The following KCNAB2 variants were observed in gnomAD, a reference collection of about 807,000 sequenced individuals.
KCNAB2 encodes the protein potassium voltage-gated channel subfamily A regulatory beta subunit 2.
In KCNAB2, 29 loss-of-function variants were observed where a neutral mutation model predicts 63.6. The observed-to-expected ratio is 0.46, with a 90% CI of 0.34 to 0.62. The LOEUF is 0.62. Among genes scored for constraint, KCNAB2 ranks in the 20% least tolerant of loss-of-function variants. The probability of loss-of-function intolerance (pLI) is 0.01; values close to 1 mark genes in which losing one functional copy is unlikely to be tolerated. For missense variants in KCNAB2, 359 were observed against 563.9 expected (o/e 0.64, Z 3.68); for synonymous variants, 222 against 224.2 (o/e 0.99, Z 0.09).
At chr1:5,999,730 A>C (rs191550225) in intron 1 of KCNAB2, among the ~76,000 whole-genome samples, 2 of 152,170 alleles carry the variant, frequency 1.3e-5, no homozygotes. Flanking sequence ...TACAGGAGCC[A>C]GTCCTCGCCA....
intron 1 of KCNAB2, among the ~76,000 whole-genome samples, chr1:6,002,962 C>T (rs1229807739): frequency 1.3e-5 from 2 of 152,164 alleles, no homozygotes; most frequent in East Asian, 1.9e-4. Context: ...TGTTCTTAGT[C>T]CTCAGCTCCT....
intron 1 of KCNAB2, among the ~76,000 whole-genome samples, chr1:6,026,987 C>T (rs953328364): frequency 6.6e-6 from 1 of 152,220 alleles, no homozygotes; most frequent in Non-Finnish European, 1.5e-5. Context: ...CTCCCCTCCC[C>T]CTTGGGGCTG....
At chr1:6,036,506 A>T (rs1363005353) in intron 1 of KCNAB2, among the ~76,000 whole-genome samples, 1 of 152,218 alleles carries the variant, frequency 6.6e-6, no homozygotes. Flanking sequence ...CTGTCTCAAA[A>T]AAAGAAAAAA....
rs1463636487 is a variant in KCNAB2 at position 5,994,566 on chromosome 1, A to G, written c.-53+1778A>G. 6.6e-6 allele frequency among the ~76,000 whole-genome samples: 1 copy of G among 151,960 alleles called. No individual in the cohort carries two copies. Among genetic ancestry groups the G allele is most frequent in the Admixed American group, 6.5e-5 (1 of 15,276 alleles). On this transcript the variant is annotated intron_variant, in intron 1 of 16. Transcript: ENST00000341524. The surrounding 1 kb of genome is among the most constrained non-coding windows in gnomAD (Gnocchi z 5.4). ...CTGCGCCAGTCAGCAAATGCTTTGT[A>G]GGTGCTAGTCAACACCTGGGGGCTG...
intron 2 of KCNAB2, among the ~76,000 whole-genome samples, chr1:6,054,105 G>A (rs1015651325): frequency 6.6e-6 from 1 of 151,874 alleles, no homozygotes; most frequent in African/African-American, 2.4e-5. Flanking sequence ...GGTCATTGCA[G>A]ATATCATTAA....
intron 2 of KCNAB2, among the ~76,000 whole-genome samples, 175 bp from the exon 3 acceptor site, chr1:6,072,580 C>T (rs1262865006): frequency 6.6e-6 from 1 of 152,190 alleles, no homozygotes; most frequent in African/African-American, 2.4e-5. Flanking sequence ...TGGCACTTTA[C>T]CCCCGGGGTG....
Position 6,074,337 on chromosome 1 carries a change from C to T in KCNAB2, c.300+567C>T, listed in dbSNP as rs1267151853. 6.6e-6 allele frequency among the ~76,000 whole-genome samples: 1 copy of T among 152,258 alleles called. No homozygotes were observed. Among genetic ancestry groups the T allele is most frequent in the Non-Finnish European group, 1.5e-5 (1 of 68,044 alleles). On this transcript the variant is annotated intron_variant, in intron 4 of 15. Coordinates refer to ENST00000378083, the MANE Select transcript of KCNAB2 (RefSeq NM_001199862.2). This position sits in a 1 kb window ranked among gnomAD's most constrained non-coding sequence, Gnocchi z 4.9. ...CACAATTGGAACAAGAAAGTGAACACTAACAAAAAGCCAGCTTGTATGCCG... is the reference window on the plus strand; with the variant it reads ...CACAATTGGAACAAGAAAGTGAACATTAACAAAAAGCCAGCTTGTATGCCG...
intron 2 of KCNAB2, among the ~76,000 whole-genome samples, chr1:6,054,890 G>C (rs1401944338): frequency 6.6e-6 from 1 of 152,200 alleles, no homozygotes; most frequent in African/African-American, 2.4e-5. Flanking sequence ...CACAGAAAAG[G>C]GGGCGCCATG....
rs749966071 is a variant in KCNAB2, at chr1:6,097,515, A to G, written c.1158+158A>G. The G allele has an allele frequency of 3.0e-6, 4 of 1,327,304 alleles. No individual in the cohort carries two copies. The South Asian group carries it at 5.0e-5, about 17-fold the overall frequency. 82.2% of individuals were successfully genotyped at this position (1,327,304 alleles called of 1,614,324 possible). A position where few individuals can be genotyped will look rare whatever the true frequency, so the allele number is the denominator to read the frequency against. On this transcript the variant is annotated intron_variant, in intron 15 of 15. Coordinates refer to ENST00000378083, the MANE Select transcript of KCNAB2 (RefSeq NM_001199862.2). Reference sequence around the variant, plus strand: ...TGTGCTCCTGGAGAGCTTGCTTTCCAGCAGGAACAGACATGAACACTAACT... The same window carrying G: ...TGTGCTCCTGGAGAGCTTGCTTTCCGGCAGGAACAGACATGAACACTAACT...
intron 1 of KCNAB2, among the ~76,000 whole-genome samples, chr1:5,993,145 C>A (rs1441187347): frequency 6.6e-6 from 1 of 151,120 alleles, no homozygotes; most frequent in African/African-American, 2.4e-5. Context: ...CCTCCCCTTT[C>A]CTCCATCCTC....
At chr1:6,039,405 T>TG (rs1048940973) in intron 1 of KCNAB2, among the ~76,000 whole-genome samples, 32 of 152,022 alleles carry the variant, frequency 2.1e-4, no homozygotes, top group African/African-American at 7.7e-4. Context: ...CAGGAGGCGG[T>TG]GGGGGGAGCC....
rs567401184 is a variant in KCNAB2, at chr1:6,065,876, C to T, written c.219-6879C>T. Among the ~76,000 whole-genome samples, 229 of 152,330 alleles carry T rather than the reference C, an allele frequency of 1.5e-3. 1 individual carries two copies. Among genetic ancestry groups the T allele is most frequent in the African/African-American group, 5.2e-3 (218 of 41,582 alleles). On this transcript the variant is annotated intron_variant, in intron 2 of 15. Transcript: ENST00000378083. Reference sequence around the variant, plus strand: ...GGCCTGGAAATGTGACTCCCTCCCTCAGAGCTGTGCAGCCTTCTTCCCCAC... The same window carrying T: ...GGCCTGGAAATGTGACTCCCTCCCTTAGAGCTGTGCAGCCTTCTTCCCCAC...
chr1:6,016,152 C>CATT (rs1658482064), intron 1 of KCNAB2, among the ~76,000 whole-genome samples: 1 of 152,222 alleles, frequency 6.6e-6, no homozygotes, highest in Admixed American at 6.5e-5. Context: ...GCCACCAGCA[C>CATT]CCACCTGCTG....
intron 15 of KCNAB2, chr1:6,098,087 C>A: frequency 1.1e-6 from 1 of 885,672 alleles, no homozygotes; most frequent in Non-Finnish European, 1.4e-6. Context: ...GGTGAGAAGG[C>A]GAGGTGGAAG....
At chr1:6,095,465 G>GGCC in intron 12 of KCNAB2, 22 bp downstream of exon 12, 2 of 1,586,154 alleles carry the variant, frequency 1.3e-6, no homozygotes, top group Non-Finnish European at 1.7e-6. Flanking sequence ...CGGGCCCCTC[G>GGCC]CCCCGCCCCA....
At chr1:5,999,093 C>T (rs1192982361) in intron 1 of KCNAB2, among the ~76,000 whole-genome samples, 2 of 152,276 alleles carry the variant, frequency 1.3e-5, no homozygotes, top group Admixed American at 1.3e-4. Flanking sequence ...ACGGCGCATT[C>T]TTCCATTTCC....
chr1:6,083,490 GGGTCTCC>G (rs1436118705), intron 5 of KCNAB2, among the ~76,000 whole-genome samples: 1 of 152,194 alleles, frequency 6.6e-6, no homozygotes, highest in African/African-American at 2.4e-5. Flanking sequence ...CAAGTTCCCT[GGGTCTCC>G]GGCAGCCTCG....
rs868758811 is a variant in KCNAB2 at position 6,005,062 on chromosome 1, G to A, written c.-53+12274G>A. On this transcript the variant is annotated intron_variant, in intron 1 of 16. Coordinates refer to the KCNAB2 transcript ENST00000341524. ...GGGGCTGAGCTGAGGGGTGAGGGTA[G>A]AGTGGGGGACATGGAAGCTGAGCTG... is the stretch of plus-strand genomic sequence containing the variant. 4.7e-3 allele frequency among the ~76,000 whole-genome samples: 30 copies of A among 6,368 alleles called. 2 individuals are homozygous for A. Among genetic ancestry groups the A allele is most frequent in the African/African-American group, 8.0e-3 (29 of 3,614 alleles). The allele number at this position is 6,368 out of a possible 152,430, so 4.2% of individuals were successfully genotyped here.
upstream of KCNAB2, among the ~76,000 whole-genome samples, chr1:6,031,255 C>T (rs191721776): frequency 3.0e-4 from 46 of 152,262 alleles, no homozygotes; most frequent in African/African-American, 1.1e-3. This position sits in a 1 kb window ranked among gnomAD's most constrained non-coding sequence, Gnocchi z 4.1. Context: ...TGACTTCTTC[C>T]CATCTCATGC....
Sources: gnomAD v4.1 joint callset for allele counts (sites outside exome capture counted in the v4.1 genomes callset) on GRCh38, gnomAD v4.1.1 for gene constraint, Gnocchi (gnomAD v3.1) non-coding constraint, MANE v1.5 for transcripts, NCBI Gene and HGNC (gene_info 2026-07-23, HGNC 2026-07-21) for gene names.